Variants in SMIM14 observed in about 807,000 individuals in gnomAD.
SMIM14 encodes the protein chromosome 4 open reading frame 34.
A neutral mutation model predicts 12.6 loss-of-function variants in SMIM14; 5 were observed. That is an observed-to-expected ratio of 0.40 (90% confidence interval 0.21 to 0.83). The LOEUF (loss-of-function observed/expected upper bound fraction) is 0.83, where lower values mean the gene tolerates loss of function less well. Ranked by LOEUF, SMIM14 falls within the 40% of genes least tolerant of loss-of-function variation. The probability of loss-of-function intolerance (pLI) is 0.37; values close to 1 mark genes in which losing one functional copy is unlikely to be tolerated. For synonymous variants in SMIM14, 30 were observed against 40.1 expected (o/e 0.75, Z 0.95); for missense variants, 86 against 119.1 (o/e 0.72, Z 1.29).
At chr4:39,574,911 A>C (rs563327590) in intron 2 of SMIM14, among the ~76,000 whole-genome samples, 15 of 152,164 alleles carry the variant, frequency 9.9e-5, no homozygotes, top group African/African-American at 3.4e-4. Context: ...AGGCAGGAGG[A>C]TAGCTTAAAC....
At chr4:39,561,482 AT>A (rs1277628710) in intron 3 of SMIM14, among the ~76,000 whole-genome samples, 1 of 152,076 alleles carries the variant, frequency 6.6e-6, no homozygotes, top group Non-Finnish European at 1.5e-5. Context: ...AAGAGCTGAG[AT>A]TACAGGTGTC....
chr4:39,584,540 A>G (rs1424516501), intron 2 of SMIM14, among the ~76,000 whole-genome samples: 1 of 145,334 alleles, frequency 6.9e-6, no homozygotes, highest in Non-Finnish European at 1.5e-5. Flanking sequence ...TCATGCCTGT[A>G]TTCCCAATAA....
chr4:39,566,981 CA>C (rs1712606085), intron 3 of SMIM14, among the ~76,000 whole-genome samples: 1 of 150,372 alleles, frequency 6.7e-6, no homozygotes, highest in Non-Finnish European at 1.5e-5. Context: ...AAACAAAAAA[CA>C]AAAATTAGCT....
intron 2 of SMIM14, among the ~76,000 whole-genome samples, chr4:39,588,463 AGG>A (rs1293047128): frequency 6.6e-6 from 1 of 152,238 alleles, no homozygotes; most frequent in Non-Finnish European, 1.5e-5. Flanking sequence ...TAATTATAGA[AGG>A]CTATGTGCCT....
At chr4:39,565,917 CTCTCT>C (rs1712548203) in intron 3 of SMIM14, among the ~76,000 whole-genome samples, 1 of 151,888 alleles carries the variant, frequency 6.6e-6, no homozygotes. Flanking sequence ...CCTGCACAAG[CTCTCT>C]TCTCTTGACT....
At chr4:39,618,944 A>C (rs1715328220) in intron 1 of SMIM14, among the ~76,000 whole-genome samples, 1 of 151,918 alleles carries the variant, frequency 6.6e-6, no homozygotes, top group South Asian at 2.1e-4. Flanking sequence ...AAATGGCAGC[A>C]GGGATGCATA....
chr4:39,561,703 T>C (rs1333983366), intron 3 of SMIM14, among the ~76,000 whole-genome samples: 5 of 152,080 alleles, frequency 3.3e-5, no homozygotes, highest in Non-Finnish European at 7.3e-5. Context: ...GTGCATCACC[T>C]GAGGTCTGGA....
chr4:39,578,456 A>G (rs1713313848), intron 2 of SMIM14, among the ~76,000 whole-genome samples: 2 of 152,234 alleles, frequency 1.3e-5, no homozygotes, highest in Non-Finnish European at 2.9e-5. Flanking sequence ...AATTTGTAAA[A>G]ACAACAATTA....
intron 3 of SMIM14, among the ~76,000 whole-genome samples, chr4:39,571,631 C>T (rs1194346162): frequency 2.0e-5 from 3 of 151,952 alleles, no homozygotes; most frequent in African/African-American, 7.3e-5. Context: ...TCAAGCCTGC[C>T]AACAGATGCA....
At chr4:39,557,814 G>C (rs1027615609) in intron 3 of SMIM14, among the ~76,000 whole-genome samples, 2 of 152,036 alleles carry the variant, frequency 1.3e-5, no homozygotes, top group African/African-American at 2.4e-5. Context: ...AATTACAGAG[G>C]CATCATGAAA....
chr4:39,620,340 A>G (rs964335351), intron 1 of SMIM14, among the ~76,000 whole-genome samples: 4 of 152,106 alleles, frequency 2.6e-5, no homozygotes, highest in African/African-American at 9.6e-5. Context: ...TTAGCCAGGC[A>G]TGGTGGCGGG....
chr4:39,617,910 C>T (rs565200356), intron 1 of SMIM14, among the ~76,000 whole-genome samples: 44 of 151,954 alleles, frequency 2.9e-4, no homozygotes, highest in Admixed American at 7.9e-4. Context: ...ACATATAAGA[C>T]GGAAAAAAAT....
intron 3 of SMIM14, among the ~76,000 whole-genome samples, chr4:39,566,355 A>G (rs1712573429): frequency 6.6e-6 from 1 of 152,116 alleles, no homozygotes; most frequent in African/African-American, 2.4e-5. Flanking sequence ...TAGACATCCC[A>G]GTGGAAATGC....
intron 1 of SMIM14, among the ~76,000 whole-genome samples, chr4:39,635,666 G>T (rs1254557165): frequency 6.6e-6 from 1 of 152,186 alleles, no homozygotes; most frequent in Non-Finnish European, 1.5e-5. Flanking sequence ...TCATCCAAGA[G>T]ATGCAAAATG....
intron 2 of SMIM14, among the ~76,000 whole-genome samples, chr4:39,598,047 T>C (rs890147498): frequency 5.3e-5 from 8 of 152,348 alleles, no homozygotes; most frequent in South Asian, 2.1e-4. Flanking sequence ...CAGGGTTTCC[T>C]TGGTTTCCCT....
In SMIM14 at chr4:39,581,076, T is replaced by C. The variant is rs79671962; in HGVS notation, c.76-8613A>G. ...GTGTTTCCTAATGAGCATAATTTAT[T>C]GTACATCATCCTAGAACTTATCCTT... is the stretch of plus-strand genomic sequence containing the variant. On this transcript the variant is annotated intron_variant, in intron 2 of 4. Transcript: ENST00000295958. Among the ~76,000 whole-genome samples, 389 of 152,312 alleles carry C rather than the reference T, an allele frequency of 2.6e-3. 1 individual carries two copies. The highest frequency in any genetic ancestry group is 9.1e-3 in the African/African-American group (377 of 41,570).
rs1010224996 is a variant in SMIM14 at position 39,613,127 on chromosome 4, C to G, written c.-35-7947G>C. On this transcript the variant is annotated intron_variant, in intron 1 of 4. Coordinates refer to ENST00000295958, the MANE Select transcript of SMIM14 (RefSeq NM_174921.3). ...ACTCCACCACCACCCCTAAAAAAAA[C>G]AGAGCTTCTGGAGGGCAGAAATCTT... Among the ~76,000 whole-genome samples the G allele has an allele frequency of 2.6e-5, 4 of 152,114 alleles. No individual in the cohort carries two copies. The South Asian group carries it at 8.3e-4, about 32-fold the overall frequency.
chr4:39,611,883 G>A (rs1435219429), intron 1 of SMIM14: 2 of 152,144 alleles, frequency 1.3e-5, no homozygotes, highest in Non-Finnish European at 2.9e-5. Flanking sequence ...GTGATTTGGT[G>A]AACCAACCAA....
intron 1 of SMIM14, among the ~76,000 whole-genome samples, chr4:39,622,701 G>T (rs1192472422): frequency 1.3e-5 from 2 of 152,152 alleles, no homozygotes; most frequent in African/African-American, 4.8e-5. Flanking sequence ...CGCCTGGCCT[G>T]CAAATGTTCG....
Sources: allele counts gnomAD v4.1 joint callset (sites outside exome capture counted in the v4.1 genomes callset), GRCh38; gene constraint gnomAD v4.1.1; transcripts MANE v1.5; gene names NCBI Gene and HGNC (gene_info 2026-07-23, HGNC 2026-07-21).